SLC9A6: variants seen among roughly 807,000 people sequenced by gnomAD.
SLC9A6 encodes sodium/hydrogen exchanger 6.
In SLC9A6, 6 loss-of-function variants were observed where a neutral mutation model predicts 45.3. That is an observed-to-expected ratio of 0.13 (90% CI 0.07 to 0.26). The LOEUF is 0.26. SLC9A6 is among the 10% of genes least tolerant of loss of function. The probability of loss-of-function intolerance (pLI) is 1.00; values close to 1 mark genes in which losing one functional copy is unlikely to be tolerated. For synonymous variants in SLC9A6, 191 were observed against 187.7 expected (o/e 1.02, Z -0.14); for missense variants, 278 against 503.7 (o/e 0.55, Z 4.29).
chrX:135,988,973 C>T (rs1414688148), intron 2 of SLC9A6, among the ~76,000 whole-genome samples: 1 of 110,250 alleles, frequency 9.1e-6, no homozygotes, highest in Non-Finnish European at 1.9e-5. Flanking sequence ...TCTTATAGCT[C>T]TCACAACATC....
At chrX:136,013,969 A>C (rs1556618980) in intron 10 of SLC9A6, among the ~76,000 whole-genome samples, 1 of 112,465 alleles carries the variant, frequency 8.9e-6, no homozygotes, top group South Asian at 3.7e-4. Flanking sequence ...CTATGTTTCC[A>C]GGAATGTCAG....
chrX:135,986,860 G>A (rs1556615030), intron 2 of SLC9A6, among the ~76,000 whole-genome samples: 1 of 111,314 alleles, frequency 9.0e-6, no homozygotes, highest in African/African-American at 3.3e-5. Context: ...AGAGATGAGG[G>A]CGGACAAACA....
In SLC9A6 at chrX:136,017,112, G is replaced by A. The variant is rs782458093; in HGVS notation, c.1194+354G>A. ...GGCAGAAGGCGAAAGATAAGGAAAC[G>A]TTGAATGAGGCCACTTTCTTTCTCT... On this transcript the variant is annotated intron_variant, in intron 11 of 17. Transcript: ENST00000630721. Among the ~76,000 whole-genome samples, 10 of 111,217 alleles carry A rather than the reference G, an allele frequency of 9.0e-5. No individual in the cohort carries two copies. In the East Asian group the frequency reaches 2.3e-3, roughly 25 times the overall value.
At chrX:136,025,064 C>T (rs1556620432) in intron 13 of SLC9A6, among the ~76,000 whole-genome samples, 1 of 112,115 alleles carries the variant, frequency 8.9e-6, no homozygotes, top group East Asian at 2.8e-4. Context: ...TCAATATCAC[C>T]AGGTCAGATA....
intron 15 of SLC9A6, chrX:136,032,944 A>G (rs1478062571): frequency 1.6e-5 from 2 of 125,637 alleles, no homozygotes; most frequent in African/African-American, 6.5e-5. Context: ...GCTCACTGCA[A>G]CCTCTACCTC....
intron 16 of SLC9A6, among the ~76,000 whole-genome samples, chrX:136,036,839 T>C (rs961250513): frequency 8.8e-6 from 1 of 113,025 alleles, no homozygotes; most frequent in Non-Finnish European, 1.9e-5. Context: ...GAAGTATGAT[T>C]GCTTTAACTA....
At chrX:136,025,972 T>C (rs1386106325) in intron 13 of SLC9A6, among the ~76,000 whole-genome samples, 1 of 111,489 alleles carries the variant, frequency 9.0e-6, no homozygotes, top group Non-Finnish European at 1.9e-5. Flanking sequence ...ATATCTACGC[T>C]TACCATCCCC....
chrX:135,991,964 A>G (rs1437209693), intron 2 of SLC9A6, among the ~76,000 whole-genome samples: 1 of 111,131 alleles, frequency 9.0e-6, no homozygotes, highest in Non-Finnish European at 1.9e-5. Context: ...TCTCATCTAC[A>G]TCTGACTTCA....
At chrX:136,038,574 CCT>C (rs1292158613) in intron 16 of SLC9A6, among the ~76,000 whole-genome samples, 6 of 109,979 alleles carry the variant, frequency 5.5e-5, no homozygotes, top group Non-Finnish European at 1.1e-4. Flanking sequence ...GGAAGTATTC[CCT>C]CATTTTCTGT....
rs781991576 is a variant in SLC9A6, at chrX:135,997,633, C to T, written c.370-475C>T. Among the ~76,000 whole-genome samples the T allele has an allele frequency of 5.7e-5, 6 of 105,961 alleles. No homozygotes were observed. The South Asian group carries it at 2.6e-3, about 45-fold the overall frequency. The allele number at this position is 105,961 out of a possible 115,157, so 92.0% of individuals were successfully genotyped here. ...ATGTTGGCTAGGCTGGCCTTGAACTCTTGGCTTCAGGTGATCCGCCCATCC... is the reference window on the plus strand; with the variant it reads ...ATGTTGGCTAGGCTGGCCTTGAACTTTTGGCTTCAGGTGATCCGCCCATCC... On this transcript the variant is annotated intron_variant, in intron 3 of 17. Transcript: ENST00000630721.
At chrX:135,988,472 CT>C (rs1401322813) in intron 2 of SLC9A6, among the ~76,000 whole-genome samples, 22 of 94,265 alleles carry the variant, frequency 2.3e-4, no homozygotes, top group African/African-American at 8.7e-4. Flanking sequence ...TTCTTTCTTT[CT>C]TTTCTTTCTT....
At chrX:135,973,852 G>A (rs1430666415), upstream of SLC9A6, 1 of 1,160,849 alleles carries the variant, frequency 8.6e-7, no homozygotes, top group Non-Finnish European at 1.1e-6. Flanking sequence ...GGAATGCCGG[G>A]AAGAAGCAGA....
intron 16 of SLC9A6, among the ~76,000 whole-genome samples, chrX:136,036,512 A>G (rs889046338): frequency 1.8e-5 from 2 of 111,442 alleles, no homozygotes; most frequent in East Asian, 2.8e-4. Context: ...AATGAAGTCT[A>G]TTACATTTTG....
In SLC9A6 at chrX:135,988,230, G is replaced by A. The variant is rs149683835; in HGVS notation, c.169+2403G>A. On this transcript the variant is annotated intron_variant, in intron 2 of 17. Coordinates refer to ENST00000630721, the MANE Select transcript of SLC9A6 (RefSeq NM_001379110.1). ...AGTATTTTTTGAAGGAAAAACAAGG[G>A]TATCTCTTGTGGAATGTAAAGTGCA... Among the ~76,000 whole-genome samples, 8 of 111,823 alleles carry A rather than the reference G, an allele frequency of 7.2e-5. No individual in the cohort carries two copies. The East Asian group carries it at 2.3e-3, about 32-fold the overall frequency.
At chrX:135,999,063 T>A in intron 6 of SLC9A6, 95 bp downstream of exon 6, 1 of 590,642 alleles carries the variant, frequency 1.7e-6, no homozygotes, top group Non-Finnish European at 3.0e-6. Context: ...GTAGAATTCA[T>A]GATTAGATAC....
At chrX:136,017,962 G>A (rs979487999) in intron 11 of SLC9A6, among the ~76,000 whole-genome samples, 2 of 111,668 alleles carry the variant, frequency 1.8e-5, no homozygotes, top group African/African-American at 6.5e-5. Flanking sequence ...TATTCTTCAC[G>A]TGGATATCTC....
At chrX:136,028,849 T>G in intron 13 of SLC9A6, 37 bp from the exon 14 acceptor site, 1 of 294,478 alleles carries the variant, frequency 3.4e-6, no homozygotes, top group Non-Finnish European at 5.9e-6. Context: ...AGTAGTTAAT[T>G]TAATCAATAA....
chrX:135,987,976 G>T (rs1366869505), intron 2 of SLC9A6, among the ~76,000 whole-genome samples: 3 of 111,566 alleles, frequency 2.7e-5, no homozygotes, highest in Non-Finnish European at 3.8e-5. Flanking sequence ...CATTTTCTCA[G>T]ATTAGGCCCA....
At chrX:136,021,744 C>A (rs782210725) in intron 11 of SLC9A6, among the ~76,000 whole-genome samples, 38 of 111,917 alleles carry the variant, frequency 3.4e-4, no homozygotes, top group African/African-American at 1.2e-3. Context: ...CCAGGCTGGT[C>A]TTGAACTCCT....
Sources: allele counts gnomAD v4.1 joint callset (sites outside exome capture counted in the v4.1 genomes callset), GRCh38; gene constraint gnomAD v4.1.1; transcripts MANE v1.5; gene names NCBI Gene and HGNC (gene_info 2026-07-23, HGNC 2026-07-21).